Variants in SLC4A10 observed in about 807,000 individuals in gnomAD.
SLC4A10 encodes solute carrier family 4 member 10, also known as sodium-driven chloride bicarbonate exchanger.
A neutral mutation model predicts 137.7 loss-of-function variants in SLC4A10; 42 were observed. That is an observed-to-expected ratio of 0.30 (90% CI 0.24 to 0.39). The LOEUF is 0.39. Ranked by LOEUF, SLC4A10 falls within the 10% of genes least tolerant of loss-of-function variation. The pLI is 1.00. For synonymous variants in SLC4A10, 474 were observed against 464.1 expected (o/e 1.02, Z -0.27); for missense variants, 925 against 1,355.0 (o/e 0.68, Z 4.98).
rs768019027 is a variant in SLC4A10 at position 161,963,701 on chromosome 2, A to G, written c.2863-434A>G. Among the ~76,000 whole-genome samples the G allele has an allele frequency of 5.3e-5, 8 of 152,192 alleles. 1 individual carries two copies. The highest frequency in any genetic ancestry group is 1.0e-4 in the Non-Finnish European group (7 of 68,010). ...ATCATTAGCAAGTCTGTGAAAGTCA[A>G]AGCCATGGGTATGGATGAACTATTC... On this transcript the variant is annotated intron_variant, in intron 21 of 26. Coordinates refer to ENST00000446997, the MANE Select transcript of SLC4A10 (RefSeq NM_001178015.2).
At chr2:161,854,031 T>C (rs2059969833) in intron 4 of SLC4A10, among the ~76,000 whole-genome samples, 1 of 152,120 alleles carries the variant, frequency 6.6e-6, no homozygotes, top group Non-Finnish European at 1.5e-5. Flanking sequence ...TAATATAATA[T>C]AGAGGATTTG....
At chr2:161,841,926 A>T (rs71424721) in intron 4 of SLC4A10, among the ~76,000 whole-genome samples, 4 of 152,212 alleles carry the variant, frequency 2.6e-5, no homozygotes, top group African/African-American at 9.6e-5. Context: ...TTAAATTTAC[A>T]CAATAGGGAT....
At chr2:161,948,187 G>A (rs923518812) in intron 17 of SLC4A10, among the ~76,000 whole-genome samples, 12 of 152,010 alleles carry the variant, frequency 7.9e-5, no homozygotes, top group African/African-American at 2.9e-4. Context: ...TATTTGGAAA[G>A]GAAAGTAAAC....
chr2:161,961,112 G>T (rs1696629268), intron 21 of SLC4A10, among the ~76,000 whole-genome samples: 1 of 152,132 alleles, frequency 6.6e-6, no homozygotes, highest in South Asian at 2.1e-4. Context: ...ATAAATTGCA[G>T]CTTTTTCTAT....
At chr2:161,762,643 C>T (rs999971440) in intron 1 of SLC4A10, among the ~76,000 whole-genome samples, 7 of 151,868 alleles carry the variant, frequency 4.6e-5, no homozygotes, top group Non-Finnish European at 8.8e-5. Flanking sequence ...AATAAGAAAA[C>T]TAATAAGTTA....
At position 161,804,430 on chromosome 2, in the gene SLC4A10, G is replaced by T. The variant is rs1193533074; in HGVS notation, c.131-19G>T. 1.2e-5 allele frequency: 19 copies of T among 1,602,740 alleles called. No homozygotes were observed. Among genetic ancestry groups the T allele is most frequent in the Non-Finnish European group, 1.6e-5 (19 of 1,174,354 alleles). On this transcript the variant is annotated intron_variant, in intron 2 of 26. Coordinates refer to ENST00000446997, the MANE Select transcript of SLC4A10 (RefSeq NM_001178015.2). The stretch of plus-strand genomic sequence containing the variant: ...GGAATAATTCAGAGTTTAATTTGTG[G>T]GTTTGCTTCCTTATGAAGGTCATCG...
At chr2:161,760,538 C>A (rs1396763089) in intron 1 of SLC4A10, among the ~76,000 whole-genome samples, 1 of 152,006 alleles carries the variant, frequency 6.6e-6, no homozygotes, top group African/African-American at 2.4e-5. Flanking sequence ...TGCTCTGGGT[C>A]CTGCTCATGT....
intron 3 of SLC4A10, among the ~76,000 whole-genome samples, chr2:161,838,627 G>A (rs145605124): frequency 2.0e-4 from 31 of 152,184 alleles, no homozygotes; most frequent in East Asian, 1.5e-3. Context: ...CTCAAAACTC[G>A]ACAGTAAGGA....
chr2:161,790,892 A>G (rs113459188), intron 2 of SLC4A10, among the ~76,000 whole-genome samples: 252 of 152,300 alleles, frequency 1.7e-3, no homozygotes, highest in African/African-American at 5.6e-3. Context: ...ATCATTAGAG[A>G]AATGCAAATC....
At chr2:161,838,522 A>G (rs1437861903) in intron 3 of SLC4A10, among the ~76,000 whole-genome samples, 1 of 152,226 alleles carries the variant, frequency 6.6e-6, no homozygotes, top group Non-Finnish European at 1.5e-5. Flanking sequence ...ACACTGCTAA[A>G]AGAATATAAA....
intron 1 of SLC4A10, among the ~76,000 whole-genome samples, chr2:161,632,425 A>G (rs2033723029): frequency 6.6e-6 from 1 of 151,668 alleles, no homozygotes; most frequent in African/African-American, 2.4e-5. Flanking sequence ...AAAAAAACCC[A>G]CCACATACAC....
At chr2:161,888,583 G>C (rs2062570944) in intron 10 of SLC4A10, among the ~76,000 whole-genome samples, 2 of 151,994 alleles carry the variant, frequency 1.3e-5, no homozygotes, top group African/African-American at 4.8e-5. Flanking sequence ...CTCATGATTT[G>C]GCTCTGTGTC....
chr2:161,696,731 G>C (rs2042554743), intron 1 of SLC4A10, among the ~76,000 whole-genome samples: 1 of 151,998 alleles, frequency 6.6e-6, no homozygotes, highest in African/African-American at 2.4e-5. Flanking sequence ...TTGGTTCCAA[G>C]TCTTTGCTAT....
intron 15 of SLC4A10, among the ~76,000 whole-genome samples, chr2:161,907,349 C>A (rs1684685435): frequency 6.6e-6 from 1 of 152,160 alleles, no homozygotes; most frequent in African/African-American, 2.4e-5. Flanking sequence ...AACATTGATA[C>A]ACGCCTTTTC....
chr2:161,973,983 G>A (rs1698979867), intron 23 of SLC4A10, among the ~76,000 whole-genome samples: 1 of 152,078 alleles, frequency 6.6e-6, no homozygotes, highest in South Asian at 2.1e-4. Flanking sequence ...AAATATGCTT[G>A]GAAATTAACA....
rs564662784 is a variant in SLC4A10 at position 161,932,529 on chromosome 2, A to G, written c.1998-10263A>G. Among the ~76,000 whole-genome samples, 12 of 152,300 alleles carry G rather than the reference A, an allele frequency of 7.9e-5. No homozygotes were observed. In the South Asian group the frequency reaches 1.7e-3, roughly 21 times the overall value. ...TTAATCCTTAGTCTAGTACCTCGGT[A>G]TCTTCATTAAGTATGAAAGGTTATT... On this transcript the variant is annotated intron_variant, in intron 15 of 26. Coordinates refer to ENST00000446997, the MANE Select transcript of SLC4A10 (RefSeq NM_001178015.2).
chr2:161,917,741 A>G (rs1017293984), intron 15 of SLC4A10, among the ~76,000 whole-genome samples: 3 of 152,190 alleles, frequency 2.0e-5, no homozygotes, highest in African/African-American at 7.2e-5. Flanking sequence ...TTATTTATCA[A>G]TCTAATTTAT....
chr2:161,674,610 A>C (rs1248359775), intron 1 of SLC4A10, among the ~76,000 whole-genome samples: 1 of 152,186 alleles, frequency 6.6e-6, no homozygotes, highest in African/African-American at 2.4e-5. Flanking sequence ...ATCACAAAAT[A>C]TTTTTATTTC....
intron 11 of SLC4A10, among the ~76,000 whole-genome samples, chr2:161,899,401 T>C (rs1559491335): frequency 2.0e-5 from 3 of 152,040 alleles, no homozygotes; most frequent in South Asian, 4.1e-4. Flanking sequence ...CCAATTCTCT[T>C]TTAACATTCA....
Sources: gnomAD v4.1 joint callset for allele counts (sites outside exome capture counted in the v4.1 genomes callset) on GRCh38, gnomAD v4.1.1 for gene constraint, MANE v1.5 for transcripts, NCBI Gene and HGNC (gene_info 2026-07-23, HGNC 2026-07-21) for gene names.